Variants in PHACTR4 observed in about 807,000 individuals in gnomAD.
PHACTR4 encodes phosphatase and actin regulator 4.
Under a neutral mutation model 72.7 loss-of-function variants are expected in PHACTR4, and 51 were observed. The observed-to-expected ratio is 0.70, with a 90% CI of 0.56 to 0.89. The LOEUF is 0.89. Ranked by LOEUF, PHACTR4 falls within the 40% of genes least tolerant of loss-of-function variation. The pLI is 0.00. For synonymous variants in PHACTR4, 255 were observed against 302.5 expected, an observed-to-expected ratio of 0.84 and a Z score of 1.63; for missense variants, 731 against 861.8, an observed-to-expected ratio of 0.85 and a Z score of 1.90.
chr1:28,478,995 C>A (rs67528645), intron 8 of PHACTR4, among the ~76,000 whole-genome samples: 42,795 of 151,952 alleles, frequency 0.28, 6,197 homozygotes, highest in Middle Eastern at 0.34. Context: ...TTTGTTTGCC[C>A]CCAATTTTAA....
At chr1:28,468,482 C>G (rs1207473712) in intron 6 of PHACTR4, among the ~76,000 whole-genome samples, 1 of 152,126 alleles carries the variant, frequency 6.6e-6, no homozygotes, top group African/African-American at 2.4e-5. Flanking sequence ...ATCCCAGCTA[C>G]TCGGGAGGCT....
intron 9 of PHACTR4, among the ~76,000 whole-genome samples, chr1:28,483,602 C>T (rs1389524604): frequency 6.6e-6 from 1 of 151,366 alleles, no homozygotes; most frequent in Non-Finnish European, 1.5e-5. Flanking sequence ...GAGATCAAGG[C>T]CATCCTGGCT....
At chr1:28,479,522 G>T in intron 8 of PHACTR4, among the ~76,000 whole-genome samples, 1 of 150,320 alleles carries the variant, frequency 6.7e-6, no homozygotes, top group East Asian at 2.0e-4. Flanking sequence ...GGCGGAGGTT[G>T]CAGTGAGCCG....
chr1:28,443,263 G>GTCTTTCTTTCCTTCTTTCTT (rs144990301), intron 2 of PHACTR4, among the ~76,000 whole-genome samples: 43,543 of 150,940 alleles, frequency 0.29, 6,538 homozygotes, highest in Middle Eastern at 0.34. Context: ...GGATTTCATT[G>GTCTTTCTTTCCTTCTTTCTT]TCTTTCTTTC....
intron 1 of PHACTR4, among the ~76,000 whole-genome samples, chr1:28,373,636 G>A (rs1470664642): frequency 2.0e-5 from 3 of 152,038 alleles, no homozygotes; most frequent in African/African-American, 7.2e-5. Flanking sequence ...ATGTTGCCCA[G>A]CCTGGTCTCA....
chr1:28,429,878 G>A (rs1388305238), intron 2 of PHACTR4, among the ~76,000 whole-genome samples: 1 of 152,158 alleles, frequency 6.6e-6, no homozygotes, highest in East Asian at 1.9e-4. Flanking sequence ...GTCTAGCTTT[G>A]TCCTGAGGTC....
chr1:28,464,625 C>T (rs1040331206), intron 4 of PHACTR4, among the ~76,000 whole-genome samples: 1 of 152,192 alleles, frequency 6.6e-6, no homozygotes, highest in African/African-American at 2.4e-5. Flanking sequence ...TTCATTCCTA[C>T]CACAGTACTT....
At chr1:28,436,375 T>C (rs1486395847) in intron 2 of PHACTR4, among the ~76,000 whole-genome samples, 1 of 152,124 alleles carries the variant, frequency 6.6e-6, no homozygotes, top group Non-Finnish European at 1.5e-5. Context: ...TAACTGAGAC[T>C]ACAGGTGCAC....
At chr1:28,375,518 C>CA (rs879788069) in intron 1 of PHACTR4, among the ~76,000 whole-genome samples, 83 of 142,792 alleles carry the variant, frequency 5.8e-4, no homozygotes, top group Non-Finnish European at 6.8e-4. Context: ...TTTGTCTCTA[C>CA]AAAAAAAAAA....
intron 1 of PHACTR4, among the ~76,000 whole-genome samples, chr1:28,397,252 T>C (rs1653581218): frequency 6.6e-6 from 1 of 152,220 alleles, no homozygotes. Flanking sequence ...TAATAAATGC[T>C]ATTTCATGAG....
chr1:28,493,116 A>G (rs748780103), intron 13 of PHACTR4, 25 bp downstream of exon 13: 2 of 1,593,196 alleles, frequency 1.3e-6, no homozygotes, highest in South Asian at 2.2e-5. Flanking sequence ...ACCCAATCAT[A>G]TATGTGCTAG....
At chr1:28,407,779 TA>T (rs1048608142) in intron 2 of PHACTR4, among the ~76,000 whole-genome samples, 21 of 152,266 alleles carry the variant, frequency 1.4e-4, no homozygotes, top group South Asian at 4.1e-4. Flanking sequence ...CATTTTTAAT[TA>T]AAAAAATCAA....
At position 28,388,058 on chromosome 1, in the gene PHACTR4, A is replaced by G. The variant is rs568897102; in HGVS notation, c.-39+18233A>G. Among the ~76,000 whole-genome samples, 19 of 152,126 alleles carry G rather than the reference A, an allele frequency of 1.2e-4. 1 individual carries two copies. In the South Asian group the frequency reaches 3.5e-3, roughly 28 times the overall value. On this transcript the variant is annotated intron_variant, in intron 1 of 13. Coordinates refer to ENST00000373839, the MANE Select transcript of PHACTR4 (RefSeq NM_001048183.3). ...TTTTTTTAATTATCCAAGTATGGCAACGTGGGCCTGTGGTCTCAGCTACTT... is the reference window on the plus strand; with the variant it reads ...TTTTTTTAATTATCCAAGTATGGCAGCGTGGGCCTGTGGTCTCAGCTACTT...
intron 6 of PHACTR4, among the ~76,000 whole-genome samples, chr1:28,472,779 AT>A (rs771078982): frequency 0.11 from 13,626 of 127,548 alleles, 1,516 homozygotes; most frequent in African/African-American, 0.29. Context: ...AATTTTTGTA[AT>A]TTTTTTTTTT....
rs368106559 is a variant in PHACTR4, at chr1:28,369,814, G to A, written c.-50G>A. ...TGCTGTGGAGGCTGAGGAGGCGGCGGCGGAGATCTGGGTAAGTTCAGCGAG... is the reference window on the plus strand; with the variant it reads ...TGCTGTGGAGGCTGAGGAGGCGGCGACGGAGATCTGGGTAAGTTCAGCGAG... On this transcript the variant is annotated 5_prime_UTR_variant, in exon 1 of 14. Transcript: ENST00000373839. The A allele has an allele frequency of 8.7e-6, 4 of 458,932 alleles. No homozygotes were observed. Among genetic ancestry groups the A allele is most frequent in the Middle Eastern group, 3.2e-4 (1 of 3,086 alleles). 28.4% of individuals were successfully genotyped at this position (458,932 alleles called of 1,614,324 possible).
intron 1 of PHACTR4, among the ~76,000 whole-genome samples, chr1:28,386,583 C>T (rs1399332884): frequency 6.6e-5 from 10 of 152,098 alleles, no homozygotes; most frequent in African/African-American, 2.4e-4. Flanking sequence ...TAAGAACTTG[C>T]TTTATGAATC....
chr1:28,423,491 CTAA>C (rs773002403), intron 2 of PHACTR4, among the ~76,000 whole-genome samples: 3 of 151,984 alleles, frequency 2.0e-5, no homozygotes, highest in Non-Finnish European at 2.9e-5. Flanking sequence ...TTGTACATTG[CTAA>C]TAATAATGCT....
intron 1 of PHACTR4, among the ~76,000 whole-genome samples, chr1:28,386,848 TCTTAC>T (rs1010992560): frequency 1.3e-5 from 2 of 152,220 alleles, no homozygotes; most frequent in African/African-American, 4.8e-5. Context: ...GAAGTATCTT[TCTTAC>T]ACTAGTGTTG....
intron 2 of PHACTR4, among the ~76,000 whole-genome samples, chr1:28,424,501 A>ATT (rs34652805): frequency 6.6e-6 from 1 of 151,080 alleles, no homozygotes; most frequent in Admixed American, 6.6e-5. Flanking sequence ...TTTATTTATT[A>ATT]TTTTTTTTAG....
Sources: gnomAD v4.1 joint callset for allele counts (sites outside exome capture counted in the v4.1 genomes callset) on GRCh38, gnomAD v4.1.1 for gene constraint, MANE v1.5 for transcripts, NCBI Gene and HGNC (gene_info 2026-07-23, HGNC 2026-07-21) for gene names.